VPS37B: variants seen among roughly 807,000 people sequenced by gnomAD.
The protein encoded by VPS37B is vacuolar protein sorting-associated protein 37B.
VPS37B carries 11 observed loss-of-function variants against 21.2 expected under a neutral mutation model. That is an observed-to-expected ratio of 0.52 (90% confidence interval 0.33 to 0.86). VPS37B has a LOEUF of 0.86. VPS37B is among the 40% of genes least tolerant of loss of function. The pLI is 0.03. For missense variants in VPS37B, 389 were observed against 374.8 expected, an observed-to-expected ratio of 1.04 and a Z score of -0.31; for synonymous variants, 175 against 159.6, an observed-to-expected ratio of 1.10 and a Z score of -0.73.
intron 1 of VPS37B, among the ~76,000 whole-genome samples, chr12:122,893,006 C>T (rs1272108261): frequency 6.7e-6 from 1 of 149,562 alleles, no homozygotes; most frequent in African/African-American, 2.5e-5. Context: ...GGTTGCAGTG[C>T]GCTGAGATTG....
chr12:122,879,038 A>ATG (rs2034206361), intron 1 of VPS37B: 1 of 152,388 alleles, frequency 6.6e-6, no homozygotes, highest in Non-Finnish European at 1.5e-5. Context: ...ATGTGGTCAC[A>ATG]AGCCCAGGAC....
chr12:122,893,823 CAAAAAAAAA>C (rs67994180), intron 1 of VPS37B, among the ~76,000 whole-genome samples: 5 of 135,022 alleles, frequency 3.7e-5, no homozygotes, highest in Non-Finnish European at 3.1e-5. Flanking sequence ...CACTTTTACT[CAAAAAAAAA>C]AAAAAAAAAA....
intron 1 of VPS37B, chr12:122,885,777 G>A (rs1449189576): frequency 1.4e-5 from 2 of 146,248 alleles, no homozygotes; most frequent in African/African-American, 2.5e-5. Flanking sequence ...TCCGCCTCCC[G>A]GGTTCACGCC....
At chr12:122,883,257 GAACA>G (rs1177082318) in intron 1 of VPS37B, 1 of 152,084 alleles carries the variant, frequency 6.6e-6, no homozygotes, top group Non-Finnish European at 1.5e-5. Context: ...CCTCGAAAAG[GAACA>G]GACAGTGAGA....
intron 1 of VPS37B, chr12:122,888,681 C>CT (rs1462391079): frequency 2.3e-6 from 1 of 442,992 alleles, no homozygotes; most frequent in Admixed American, 2.4e-5. Flanking sequence ...CTCTTCCAGC[C>CT]AGTCTCTAAC....
intron 1 of VPS37B, chr12:122,878,233 C>T (rs909244516): frequency 6.6e-6 from 1 of 152,118 alleles, no homozygotes; most frequent in African/African-American, 2.4e-5. Flanking sequence ...GTGGTGCCCG[C>T]CTGTAGTCCC....
Position 122,896,006 on chromosome 12 carries a change from G to T in VPS37B, c.57C>A (p.Asn19Lys). The change falls in exon 1 of 4, where the codon AAC becomes AAA. Residue 19 changes from asparagine to lysine, a missense_variant. Physicochemically the swap from Asn to Lys is moderately conservative, Grantham distance 94. Transcript: ENST00000267202. ...GCTGGCCCTCGTCCTCCAGCAGCTC[G>T]TTGAGCTGCACCAGCGACAGCCCGG... ...RFAGLSLVQL[N>K]ELLEDEGQLT... 1 of 1,605,100 alleles carries T rather than the reference G, an allele frequency of 6.2e-7. No homozygotes were observed. Among genetic ancestry groups the T allele is most frequent in the Non-Finnish European group, 8.5e-7 (1 of 1,176,956 alleles).
At chr12:122,870,810 C>G (rs1388588896) in intron 2 of VPS37B, 80 bp downstream of exon 2, 1 of 1,409,584 alleles carries the variant, frequency 7.1e-7, no homozygotes, top group East Asian at 2.6e-5. Flanking sequence ...CGTAATATTT[C>G]TTTCCTGGTA....
rs367574372 is a variant in VPS37B at position 122,891,584 on chromosome 12, A to G, written c.111+4368T>C. On this transcript the variant is annotated intron_variant, in intron 1 of 3. Transcript: ENST00000267202. ...TAAAAGGTCCATGGAAAAGATTTAA[A>G]CGTAAAAGTTGAAGCCTTTACACGT... Among the ~76,000 whole-genome samples, 42 of 152,352 alleles carry G rather than the reference A, an allele frequency of 2.8e-4. No homozygotes were observed. In the East Asian group the frequency reaches 6.4e-3, roughly 23 times the overall value.
chr12:122,865,340 T>C lies in VPS37B; in HGVS notation c.*1776A>G, dbSNP rs1196830969. ...TAAGTGACAGGCCTGTTATTAATAA[T>C]TCTCTATTTATTAAAAAGGGTCCTA... is the stretch of plus-strand genomic sequence containing the variant. On this transcript the variant is annotated 3_prime_UTR_variant, in exon 4 of 4. Coordinates refer to ENST00000267202, the MANE Select transcript of VPS37B (RefSeq NM_024667.3). 4 of 152,228 alleles carry C rather than the reference T, an allele frequency of 2.6e-5. No individual in the cohort carries two copies. Among genetic ancestry groups the C allele is most frequent in the Non-Finnish European group, 4.4e-5 (3 of 68,040 alleles). 9.4% of individuals were successfully genotyped at this position (152,228 alleles called of 1,614,324 possible). A position where few individuals can be genotyped will look rare whatever the true frequency, so the allele number is the denominator to read the frequency against.
At chr12:122,877,767 CCT>C (rs1428040426) in intron 1 of VPS37B, 1 of 152,208 alleles carries the variant, frequency 6.6e-6, no homozygotes, top group Non-Finnish European at 1.5e-5. Flanking sequence ...GTGGGCACTC[CCT>C]GAGGCCCCGC....
At chr12:122,869,858 T>C (rs1260510115) in intron 2 of VPS37B, among the ~76,000 whole-genome samples, 1 of 152,134 alleles carries the variant, frequency 6.6e-6, no homozygotes, top group African/African-American at 2.4e-5. Flanking sequence ...TCCTCCTTCC[T>C]TAGCCTCCCA....
In VPS37B at chr12:122,866,801, A is replaced by C. The variant is rs898107966; in HGVS notation, c.*315T>G. The stretch of plus-strand genomic sequence containing the variant: ...GCTGCAACAGAAGGACCACGATTCT[A>C]AATGGGACTGGGGGAGAGGCCTATT... On this transcript the variant is annotated 3_prime_UTR_variant, in exon 4 of 4. Coordinates refer to ENST00000267202, the MANE Select transcript of VPS37B (RefSeq NM_024667.3). 2 of 312,290 alleles carry C rather than the reference A, an allele frequency of 6.4e-6. No individual in the cohort carries two copies. The highest frequency in any genetic ancestry group is 2.1e-5 in the African/African-American group (1 of 46,748). 19.3% of individuals were successfully genotyped at this position (312,290 alleles called of 1,614,324 possible).
At chr12:122,887,369 G>C (rs1430330319) in intron 1 of VPS37B, 2 of 152,194 alleles carry the variant, frequency 1.3e-5, no homozygotes, top group African/African-American at 4.8e-5. Context: ...CTCCTTAACA[G>C]GGCATATGAG....
chr12:122,874,674 T>G (rs2034112216), intron 1 of VPS37B: 1 of 151,890 alleles, frequency 6.6e-6, no homozygotes, highest in Non-Finnish European at 1.5e-5. Context: ...TGAGGCCGAG[T>G]GCGGTGGCTC....
At chr12:122,884,232 C>T (rs1037464099) in intron 1 of VPS37B, 2 of 152,176 alleles carry the variant, frequency 1.3e-5, no homozygotes, top group African/African-American at 4.8e-5. Flanking sequence ...GGGAAGGGGT[C>T]CACTAGAAGT....
At chr12:122,873,772 T>C (rs896739267) in intron 1 of VPS37B, 6 of 152,226 alleles carry the variant, frequency 3.9e-5, no homozygotes, top group Non-Finnish European at 8.8e-5. Flanking sequence ...TCAGTGAAGA[T>C]TAAATCTGTT....
intron 1 of VPS37B, chr12:122,871,585 C>T (rs2034035405): frequency 1.0e-6 from 1 of 985,562 alleles, no homozygotes; most frequent in South Asian, 4.7e-5. Flanking sequence ...CACCGGGGTT[C>T]CTCTGTCTCT....
At chr12:122,888,491 G>A (rs752822863) in intron 1 of VPS37B, 20 of 453,338 alleles carry the variant, frequency 4.4e-5, no homozygotes, top group Middle Eastern at 3.2e-4. Context: ...GCTGGCACAC[G>A]GTCTTCTAGA....
Sources: gnomAD v4.1 joint callset for allele counts (sites outside exome capture counted in the v4.1 genomes callset) on GRCh38, gnomAD v4.1.1 for gene constraint, MANE v1.5 for transcripts, NCBI Gene and HGNC (gene_info 2026-07-23, HGNC 2026-07-21) for gene names.